The following CCDC144A variants were observed in gnomAD, a reference collection of about 807,000 sequenced individuals.
The protein encoded by CCDC144A is coiled-coil domain containing 144A.
In CCDC144A, 41 loss-of-function variants were observed where a neutral mutation model predicts 143.8. The observed-to-expected ratio is 0.29, with a 90% CI of 0.22 to 0.37. The LOEUF is 0.37. CCDC144A is among the 10% of genes least tolerant of loss of function. CCDC144A has a pLI of 1.00. For missense variants in CCDC144A, 637 were observed against 1,488.8 expected (o/e 0.43, Z 9.41); for synonymous variants, 242 against 517.9 (o/e 0.47, Z 7.23).
At chr17:16,705,550 T>G (rs1323240057) in intron 3 of CCDC144A, 151 bp downstream of exon 3, 4 of 742,846 alleles carry the variant, frequency 5.4e-6, no homozygotes, top group African/African-American at 5.3e-5. Context: ...GGCAGGATAT[T>G]TGTGTTCTTC....
chr17:16,719,739 A>G (rs113142384), intron 6 of CCDC144A, among the ~76,000 whole-genome samples: 25,980 of 151,808 alleles, frequency 0.17, 2,832 homozygotes, highest in Non-Finnish European at 0.25. Context: ...TAAGTCCAGA[A>G]AAAGCTTACT....
intron 15 of CCDC144A, among the ~76,000 whole-genome samples, chr17:16,771,041 ATTATCT>A (rs1165717639): frequency 6.6e-6 from 1 of 152,242 alleles, no homozygotes; most frequent in Non-Finnish European, 1.5e-5. Flanking sequence ...ATTAGATATC[ATTATCT>A]TTATCACCAC....
rs1205088147 is a variant in CCDC144A, at chr17:16,777,661, T to G, written c.*4028T>G. ...AGGGAAATTTAAAAATTCTTTGAAC[T>G]GAACGATAATAGTGACACAACCTAT... On this transcript the variant is annotated 3_prime_UTR_variant, in exon 17 of 17. Transcript: ENST00000399273. 2 of 137,332 alleles carry G rather than the reference T, an allele frequency of 1.5e-5. No homozygotes were observed. Among genetic ancestry groups the G allele is most frequent in the African/African-American group, 6.1e-5 (2 of 32,778 alleles). 8.5% of individuals were successfully genotyped at this position (137,332 alleles called of 1,614,324 possible). A position where few individuals can be genotyped will look rare whatever the true frequency, so the allele number is the denominator to read the frequency against.
chr17:16,718,437 G>A lies in CCDC144A; in HGVS notation c.1716-1761G>A, dbSNP rs571512197. 2.2e-4 allele frequency among the ~76,000 whole-genome samples: 33 copies of A among 152,288 alleles called. No individual in the cohort carries two copies. The East Asian group carries it at 5.6e-3, about 26-fold the overall frequency. On this transcript the variant is annotated intron_variant, in intron 6 of 16. Coordinates refer to ENST00000399273, the MANE Select transcript of CCDC144A (RefSeq NM_001382000.1). Reference sequence around the variant, plus strand: ...TGTATGTCTAAGTGTTTGAAAGCTCGATTCATTATCTTTTGTAGGTTTTTA... The same window carrying A: ...TGTATGTCTAAGTGTTTGAAAGCTCAATTCATTATCTTTTGTAGGTTTTTA...
At chr17:16,693,326 G>GTTTT (rs369849541) in intron 2 of CCDC144A, among the ~76,000 whole-genome samples, 1 of 144,076 alleles carries the variant, frequency 6.9e-6, no homozygotes, top group African/African-American at 2.5e-5. Flanking sequence ...GTTTTTTTTT[G>GTTTT]TTTTTTTTTT....
intron 5 of CCDC144A, 150 bp from the exon 6 acceptor site, chr17:16,711,529 G>A: frequency 2.5e-6 from 2 of 796,706 alleles, no homozygotes; most frequent in Middle Eastern, 3.9e-4. Flanking sequence ...TTCCAGATGT[G>A]ATAAAATTAA....
intron 6 of CCDC144A, among the ~76,000 whole-genome samples, chr17:16,716,070 A>C (rs1276084971): frequency 1.3e-5 from 2 of 152,108 alleles, no homozygotes; most frequent in East Asian, 3.9e-4. Context: ...GCCTTCCATC[A>C]ACTATGTTTA....
At chr17:16,703,757 C>A (rs1381728275) in intron 2 of CCDC144A, among the ~76,000 whole-genome samples, 1 of 151,974 alleles carries the variant, frequency 6.6e-6, no homozygotes, top group South Asian at 2.1e-4. Flanking sequence ...GAGCCGAGAT[C>A]GCGCCACTGC....
chr17:16,683,751 G>A, the CCDC144A span: 2 of 1,541,786 alleles, frequency 1.3e-6, no homozygotes, highest in Admixed American at 1.7e-5. Flanking sequence ...GGATGGAGAT[G>A]GAGATGAAAG....
chr17:16,770,500 T>G (rs1310909411), intron 15 of CCDC144A, among the ~76,000 whole-genome samples: 1 of 152,108 alleles, frequency 6.6e-6, no homozygotes, highest in African/African-American at 2.4e-5. Context: ...AGGAAGGTGC[T>G]GGCATAGAAT....
chr17:16,736,277 A>G (rs1447658722), intron 12 of CCDC144A, among the ~76,000 whole-genome samples: 4 of 95,842 alleles, frequency 4.2e-5, no homozygotes, highest in African/African-American at 1.6e-4. Flanking sequence ...TTTGCTCTGT[A>G]AGTTTTGTAT....
chr17:16,724,187 G>A (rs1453450583), intron 8 of CCDC144A, among the ~76,000 whole-genome samples: 1 of 152,160 alleles, frequency 6.6e-6, no homozygotes, highest in African/African-American at 2.4e-5. Context: ...TGATTGCCAT[G>A]TGGTCAGGGA....
chr17:16,715,785 G>A (rs1567591547), intron 6 of CCDC144A, among the ~76,000 whole-genome samples: 3 of 152,214 alleles, frequency 2.0e-5, no homozygotes, highest in South Asian at 2.1e-4. Flanking sequence ...GACTCTCAGC[G>A]GCATAAGAGG....
intron 12 of CCDC144A, among the ~76,000 whole-genome samples, chr17:16,736,314 G>A (rs964412474): frequency 7.3e-6 from 1 of 136,774 alleles, no homozygotes; most frequent in African/African-American, 2.7e-5. Context: ...GTTTTGCCAT[G>A]TTGGCAAGGC....
Position 16,776,665 on chromosome 17 carries a change from C to T in CCDC144A, c.*3032C>T, listed in dbSNP as rs1916012097. 6.6e-6 allele frequency: 1 copy of T among 151,894 alleles called. No individual in the cohort carries two copies. Among genetic ancestry groups the T allele is most frequent in the Admixed American group, 6.6e-5 (1 of 15,238 alleles). The allele number at this position is 151,894 out of a possible 1,614,324, so 9.4% of individuals were successfully genotyped here. A position where few individuals can be genotyped will look rare whatever the true frequency, so the allele number is the denominator to read the frequency against. On this transcript the variant is annotated 3_prime_UTR_variant, in exon 17 of 17. Coordinates refer to ENST00000399273, the MANE Select transcript of CCDC144A (RefSeq NM_001382000.1). The stretch of plus-strand genomic sequence containing the variant: ...CTGCAAACAAAGATAGTTTGACTTC[C>T]TGTCTTCCTATTTGAATAGCTTTTC...
At chr17:16,681,249 A>C in the CCDC144A span, among the ~76,000 whole-genome samples, 1 of 152,070 alleles carries the variant, frequency 6.6e-6, no homozygotes, top group South Asian at 2.1e-4. Flanking sequence ...AAAATTTAGG[A>C]AATGCTTACA....
rs540976595 is a variant in CCDC144A at position 16,717,780 on chromosome 17, A to C, written c.1716-2418A>C. On this transcript the variant is annotated intron_variant, in intron 6 of 16. Transcript: ENST00000399273. ...TGAGATGGGGAAGAGTTGGAATTTT[A>C]CAAAATTTTTTTTATTTGTTATCAG... is the stretch of plus-strand genomic sequence containing the variant. Among the ~76,000 whole-genome samples, 580 of 152,346 alleles carry C rather than the reference A, an allele frequency of 3.8e-3. 6 individuals carry two copies. Among genetic ancestry groups the C allele is most frequent in the African/African-American group, 0.013 (552 of 41,572 alleles).
At chr17:16,751,691 A>G (rs891327871) in intron 12 of CCDC144A, among the ~76,000 whole-genome samples, 12 of 152,370 alleles carry the variant, frequency 7.9e-5, no homozygotes, top group Admixed American at 6.5e-4. Context: ...TGGGCTTGGT[A>G]GAGTCAGAGC....
the CCDC144A span, among the ~76,000 whole-genome samples, chr17:16,680,021 A>G: frequency 1.9e-4 from 29 of 152,092 alleles, no homozygotes. Context: ...AAATATCTAC[A>G]TATTACTAAT....
Sources: allele counts gnomAD v4.1 joint callset (sites outside exome capture counted in the v4.1 genomes callset), GRCh38; gene constraint gnomAD v4.1.1; transcripts MANE v1.5; gene names NCBI Gene and HGNC (gene_info 2026-07-23, HGNC 2026-07-21).